Variants in PML observed in about 807,000 individuals in gnomAD.
PML encodes the protein PML nuclear body scaffold.
A neutral mutation model predicts 65.2 loss-of-function variants in PML; 28 were observed. The observed-to-expected ratio is 0.43, with a 90% CI of 0.32 to 0.59. PML has a LOEUF of 0.59. Ranked by LOEUF, PML falls within the 20% of genes least tolerant of loss-of-function variation. The pLI is 0.08. For missense variants in PML, 1,021 were observed against 1,203.4 expected, an observed-to-expected ratio of 0.85 and a Z score of 2.24; for synonymous variants, 500 against 508.8, an observed-to-expected ratio of 0.98 and a Z score of 0.23.
intron 2 of PML, among the ~76,000 whole-genome samples, chr15:74,021,737 G>GA (rs898212717): frequency 7.3e-5 from 10 of 137,652 alleles, no homozygotes; most frequent in Non-Finnish European, 8.0e-5. Context: ...GGCACCAAAA[G>GA]AAAAAAAAAA....
At chr15:73,996,964 A>G (rs2069540775) in intron 1 of PML, among the ~76,000 whole-genome samples, 3 of 152,252 alleles carry the variant, frequency 2.0e-5, no homozygotes, top group Admixed American at 2.0e-4. Flanking sequence ...CAGCAAAGCA[A>G]GGAAAGAGTG....
intron 2 of PML, among the ~76,000 whole-genome samples, chr15:74,001,014 T>G (rs1022175629): frequency 2.6e-5 from 4 of 152,274 alleles, no homozygotes; most frequent in Non-Finnish European, 5.9e-5. Flanking sequence ...ATTTTTGCCA[T>G]GGCATTAATC....
At chr15:74,041,185 G>A (rs1253801104) in intron 7 of PML, 2 of 152,296 alleles carry the variant, frequency 1.3e-5, no homozygotes, top group Non-Finnish European at 2.9e-5. Flanking sequence ...TGGCAGCATG[G>A]ACTCAGCCTC....
chr15:74,004,646 C>A (rs1402275116), intron 2 of PML, among the ~76,000 whole-genome samples: 1 of 151,982 alleles, frequency 6.6e-6, no homozygotes, highest in Non-Finnish European at 1.5e-5. Flanking sequence ...AATCTTCTAT[C>A]GCCATTGTTG....
At chr15:74,005,983 G>A (rs1331233844) in intron 2 of PML, among the ~76,000 whole-genome samples, 1 of 152,162 alleles carries the variant, frequency 6.6e-6, no homozygotes, top group Non-Finnish European at 1.5e-5. Context: ...CCTCTGCTGT[G>A]GGGGTCAGAG....
At position 74,001,864 on chromosome 15, in the gene PML, G is replaced by A. The variant is rs375330518; in HGVS notation, c.602+3388G>A. On this transcript the variant is annotated intron_variant, in intron 2 of 8. Transcript: ENST00000268058. ...AAATAAAAAAAATTAGCCAGGCATGGTCGGTGGTACATGCTTGTAGTCCCA... is the reference window on the plus strand; with the variant it reads ...AAATAAAAAAAATTAGCCAGGCATGATCGGTGGTACATGCTTGTAGTCCCA... Among the ~76,000 whole-genome samples, 49 of 152,148 alleles carry A rather than the reference G, an allele frequency of 3.2e-4. 2 individuals carry two copies. In the East Asian group the frequency reaches 3.9e-3, roughly 12 times the overall value.
chr15:74,000,230 T>C (rs2069698701), intron 2 of PML, among the ~76,000 whole-genome samples: 1 of 152,232 alleles, frequency 6.6e-6, no homozygotes, highest in Admixed American at 6.5e-5. Flanking sequence ...AATTCATAGA[T>C]GCTCAAGTCT....
Position 74,024,839 on chromosome 15 carries a change from C to T in PML, c.1184-18C>T, listed in dbSNP as rs1184263485. The T allele has an allele frequency of 1.9e-6, 3 of 1,604,054 alleles. 1 individual carries two copies. Among genetic ancestry groups the T allele is most frequent in the South Asian group, 2.2e-5 (2 of 90,880 alleles). On this transcript the variant is annotated intron_variant, in intron 3 of 8. Coordinates refer to ENST00000268058, the MANE Select transcript of PML (RefSeq NM_033238.3). ...AGCATGTCCTTGACCTGCCTGTGAC[C>T]TTCTTTGTGTTCTACAGATGCAGCT...
Position 74,043,304 on chromosome 15 carries a change from G to A in PML, c.1861+165G>A. On this transcript the variant is annotated intron_variant, in intron 8 of 8. Transcript: ENST00000268058. This position sits in a 1 kb window ranked among gnomAD's most constrained non-coding sequence, Gnocchi z 4.3. ...TCCGGCTCACCTGGGCTCCTGGCGT[G>A]TCATTTGCTGGCTTGAATAAAGATG... 6.7e-7 allele frequency: 1 copy of A among 1,492,024 alleles called. No individual in the cohort carries two copies. The highest frequency in any genetic ancestry group is 2.4e-5 in the Admixed American group (1 of 41,908). 92.4% of individuals were successfully genotyped at this position (1,492,024 alleles called of 1,614,324 possible). A position where few individuals can be genotyped will look rare whatever the true frequency, so the allele number is the denominator to read the frequency against.
chr15:74,003,136 A>G (rs2069861988), intron 2 of PML, among the ~76,000 whole-genome samples: 1 of 150,360 alleles, frequency 6.7e-6, no homozygotes, highest in Non-Finnish European at 1.5e-5. Flanking sequence ...TCTGTCTTAA[A>G]AAAAGAAAAA....
At chr15:74,000,513 C>T (rs2069714176) in intron 2 of PML, among the ~76,000 whole-genome samples, 1 of 152,000 alleles carries the variant, frequency 6.6e-6, no homozygotes, top group Admixed American at 6.6e-5. Context: ...ACGACATTGC[C>T]CAGACTGGTC....
chr15:74,038,015 G>C (rs1346008333), intron 7 of PML, among the ~76,000 whole-genome samples: 1 of 151,988 alleles, frequency 6.6e-6, no homozygotes, highest in Non-Finnish European at 1.5e-5. Context: ...TCTCTGCCCG[G>C]TTGCACAAGC....
At chr15:74,019,991 T>C (rs1229645238) in intron 2 of PML, among the ~76,000 whole-genome samples, 5 of 152,250 alleles carry the variant, frequency 3.3e-5, no homozygotes, top group Non-Finnish European at 5.9e-5. Flanking sequence ...GTGAATATAT[T>C]GTATGGATAT....
rs748464663 is a variant in PML, at chr15:74,045,022, C to T, written c.*14C>T. 2 of 1,585,938 alleles carry T rather than the reference C, an allele frequency of 1.3e-6. No homozygotes were observed. Among genetic ancestry groups the T allele is most frequent in the Non-Finnish European group, 8.5e-7 (1 of 1,170,364 alleles). On this transcript the variant is annotated 3_prime_UTR_variant, in exon 9 of 9. Coordinates refer to ENST00000268058, the MANE Select transcript of PML (RefSeq NM_033238.3). ...CAGCAGAGCTGAGAGGAGGGGGTGA[C>T]CAGCTTGGAGTCTCTGGTGGGCAGA... is the stretch of plus-strand genomic sequence containing the variant.
rs75604465 is a variant in PML at position 74,028,727 on chromosome 15, T to C, written c.1254+3800T>C. ...TCTCTATGATTTTCAATACTCTAGG[T>C]ACCTCCTATAAGTGGAATCACACAG... On this transcript the variant is annotated intron_variant, in intron 4 of 8. Coordinates refer to ENST00000268058, the MANE Select transcript of PML (RefSeq NM_033238.3). 4.2e-3 allele frequency among the ~76,000 whole-genome samples: 641 copies of C among 152,360 alleles called. 7 individuals are homozygous for C. Among genetic ancestry groups the C allele is most frequent in the African/African-American group, 0.015 (606 of 41,584 alleles).
intron 7 of PML, among the ~76,000 whole-genome samples, chr15:74,038,576 C>T (rs1203180959): frequency 6.6e-6 from 1 of 152,114 alleles, no homozygotes; most frequent in Non-Finnish European, 1.5e-5. Flanking sequence ...ATGCATTTCT[C>T]ACCCAACTTC....
intron 7 of PML, chr15:74,036,476 G>A: frequency 1.6e-6 from 2 of 1,229,122 alleles, no homozygotes; most frequent in Non-Finnish European, 2.1e-6. Flanking sequence ...TCTTCCCTAT[G>A]CTGGAACTCA....
At chr15:74,036,050 G>A in intron 7 of PML, 1 of 1,614,032 alleles carries the variant, frequency 6.2e-7, no homozygotes, top group Non-Finnish European at 8.5e-7. Context: ...GCACAGAGTA[G>A]CACTCATTAA....
chr15:74,015,884 G>A (rs1201771264), intron 2 of PML, among the ~76,000 whole-genome samples: 4 of 152,188 alleles, frequency 2.6e-5, no homozygotes, highest in Admixed American at 2.6e-4. Context: ...TAGAAATTTG[G>A]AAGAGCTAAC....
Sources: allele counts gnomAD v4.1 joint callset (sites outside exome capture counted in the v4.1 genomes callset), GRCh38; gene constraint gnomAD v4.1.1; non-coding constraint Gnocchi (gnomAD v3.1); transcripts MANE v1.5; gene names NCBI Gene and HGNC (gene_info 2026-07-23, HGNC 2026-07-21).